The following KCNH8 variants were observed in gnomAD, a reference collection of about 807,000 sequenced individuals.
KCNH8 encodes the protein voltage-gated delayed rectifier potassium channel KCNH8.
KCNH8 carries 70 observed loss-of-function variants against 103.6 expected under a neutral mutation model. That is an observed-to-expected ratio of 0.68 (90% CI 0.56 to 0.82). KCNH8 has a LOEUF of 0.82. Among genes scored for constraint, KCNH8 ranks in the 40% least tolerant of loss-of-function variants. The pLI, the probability that KCNH8 is intolerant of heterozygous loss-of-function variation, is 0.00. For missense variants in KCNH8, 1,217 were observed against 1,329.9 expected, an observed-to-expected ratio of 0.92 and a Z score of 1.32; for synonymous variants, 498 against 489.4, an observed-to-expected ratio of 1.02 and a Z score of -0.23.
chr3:19,397,882 A>G (rs2066547336), intron 7 of KCNH8, among the ~76,000 whole-genome samples: 1 of 151,916 alleles, frequency 6.6e-6, no homozygotes, highest in Non-Finnish European at 1.5e-5. Context: ...AGATTTGAAC[A>G]CAGATTAAAT....
intron 1 of KCNH8, among the ~76,000 whole-genome samples, chr3:19,211,068 C>T (rs930732958): frequency 3.3e-5 from 5 of 152,128 alleles, no homozygotes; most frequent in African/African-American, 1.2e-4. Flanking sequence ...CCATTGACCA[C>T]ATATTTTCAT....
At chr3:19,178,872 C>T (rs2063424861) in intron 1 of KCNH8, among the ~76,000 whole-genome samples, 1 of 152,102 alleles carries the variant, frequency 6.6e-6, no homozygotes, top group Admixed American at 6.6e-5. Context: ...GCATTCTGTC[C>T]TCACTTAGGC....
chr3:19,360,536 G>C (rs1246570890), intron 5 of KCNH8, among the ~76,000 whole-genome samples: 1 of 152,048 alleles, frequency 6.6e-6, no homozygotes. Context: ...GTGGCCAACA[G>C]AGCCTAAAAT....
intron 3 of KCNH8, among the ~76,000 whole-genome samples, chr3:19,316,839 C>T (rs1002669503): frequency 6.6e-6 from 1 of 151,938 alleles, no homozygotes; most frequent in Non-Finnish European, 1.5e-5. Flanking sequence ...CCTACTTTTC[C>T]TTAAGGTCAA....
chr3:19,166,211 T>C (rs1559404681), intron 1 of KCNH8, among the ~76,000 whole-genome samples: 1 of 152,242 alleles, frequency 6.6e-6, no homozygotes, highest in Non-Finnish European at 1.5e-5. Flanking sequence ...TAGACATCTT[T>C]TTTTGTAAAA....
chr3:19,293,171 C>A (rs1419988076), intron 3 of KCNH8, among the ~76,000 whole-genome samples: 8 of 152,060 alleles, frequency 5.3e-5, no homozygotes, highest in Non-Finnish European at 4.4e-5. Context: ...AGTGAACTGC[C>A]CAATGCCTCG....
intron 1 of KCNH8, among the ~76,000 whole-genome samples, chr3:19,208,359 T>C (rs1048488568): frequency 1.3e-5 from 2 of 152,064 alleles, no homozygotes; most frequent in Non-Finnish European, 2.9e-5. Flanking sequence ...CTTCAATATA[T>C]GATAAAATAT....
chr3:19,171,574 ATAAGTTAGCC>A (rs1231554994), intron 1 of KCNH8, among the ~76,000 whole-genome samples: 3 of 152,200 alleles, frequency 2.0e-5, no homozygotes, highest in African/African-American at 7.2e-5. Context: ...GACTCTATAA[ATAAGTTAGCC>A]TATCAAGACC....
chr3:19,310,558 T>C (rs1343241864), intron 3 of KCNH8, among the ~76,000 whole-genome samples: 1 of 151,840 alleles, frequency 6.6e-6, no homozygotes, highest in African/African-American at 2.4e-5. Context: ...GAGGAAAGAC[T>C]GTGAGAAAGA....
In KCNH8 at chr3:19,281,257, G is replaced by A. The variant is rs1390233375; in HGVS notation, c.370G>A (p.Val124Ile). The A allele has an allele frequency of 6.2e-7, 1 of 1,610,406 alleles. No homozygotes were observed. The highest frequency in any genetic ancestry group is 8.5e-7 in the Non-Finnish European group (1 of 1,177,294). ...VPIKNEKGDV[V>I]LFLASFKDIT... ...CATAAAGAATGAAAAAGGAGATGTA[G>A]TACTTTTTCTGGCCTCGTTCAAAGA... Residue 124 changes from valine (V) to isoleucine (I), a missense_variant, in exon 3 of 16, where the codon GTA becomes ATA. Around this residue, in one of 3 missense-constraint regions of KCNH8, gnomAD observed 244 missense variants for 256.8 expected, o/e 0.95. Transcript: ENST00000328405.
At chr3:19,246,302 G>T (rs1156571239) in intron 1 of KCNH8, among the ~76,000 whole-genome samples, 2 of 123,572 alleles carry the variant, frequency 1.6e-5, no homozygotes, top group Admixed American at 1.8e-4. Flanking sequence ...TTTTTTGATG[G>T]AGTCTCGCTC....
chr3:19,419,639 C>A (rs2066921450), intron 7 of KCNH8, among the ~76,000 whole-genome samples: 1 of 151,726 alleles, frequency 6.6e-6, no homozygotes, highest in Non-Finnish European at 1.5e-5. Context: ...AAGATAGAAA[C>A]AAAACCCAAT....
At chr3:19,443,427 T>G (rs1178584671) in intron 8 of KCNH8, among the ~76,000 whole-genome samples, 1 of 150,554 alleles carries the variant, frequency 6.6e-6, no homozygotes, top group East Asian at 1.9e-4. Flanking sequence ...TATACACATA[T>G]GTGTGTGTAT....
In KCNH8 at chr3:19,450,298, C is replaced by T. The variant is rs754437115; in HGVS notation, c.1568C>T (p.Ser523Leu). Residue 523 changes from serine to leucine, a missense_variant, in exon 9 of 16, where the codon TCA (serine) becomes TTA (leucine). This residue lies in a region of KCNH8 where 415 missense variants were observed against 577.4 expected (regional missense o/e 0.72). Coordinates refer to ENST00000328405, the MANE Select transcript of KCNH8 (RefSeq NM_144633.3). ...TGGTCAGTCAACAATGGAATAGATT[C>T]AAATGAGGTAATGTTCATTTCTCAT... ...TTWSVNNGID[S>L]NELLKDFPDE... 1.9e-6 allele frequency: 3 copies of T among 1,610,020 alleles called. No individual in the cohort carries two copies. The highest frequency in any genetic ancestry group is 2.6e-6 in the Non-Finnish European group (3 of 1,176,418).
chr3:19,237,806 C>T (rs924903717), intron 1 of KCNH8, among the ~76,000 whole-genome samples: 3 of 152,092 alleles, frequency 2.0e-5, no homozygotes, highest in African/African-American at 7.2e-5. Context: ...TGTGCACAAA[C>T]GTGTGTATGT....
At chr3:19,493,573 G>A (rs1418013114) in intron 11 of KCNH8, among the ~76,000 whole-genome samples, 3 of 152,088 alleles carry the variant, frequency 2.0e-5, no homozygotes, top group Non-Finnish European at 4.4e-5. Context: ...AGAACTGTGA[G>A]TCAATTATAC....
intron 5 of KCNH8, among the ~76,000 whole-genome samples, chr3:19,371,344 A>G (rs1311436002): frequency 1.3e-5 from 2 of 152,028 alleles, no homozygotes; most frequent in Non-Finnish European, 2.9e-5. Context: ...TTTGACTTGC[A>G]TTTCTCTGAT....
Position 19,450,309 on chromosome 3 carries a change from A to T in KCNH8, c.1575+4A>T. On this transcript the variant is annotated splice_donor_region_variant and intron_variant, in intron 9 of 15. Coordinates refer to ENST00000328405, the MANE Select transcript of KCNH8 (RefSeq NM_144633.3). ...CAATGGAATAGATTCAAATGAGGTA[A>T]TGTTCATTTCTCATGTTGTTTTCAG... The T allele has an allele frequency of 6.2e-7, 1 of 1,601,880 alleles. No individual in the cohort carries two copies. The highest frequency in any genetic ancestry group is 1.3e-5 in the African/African-American group (1 of 74,778).
chr3:19,312,371 A>G (rs905094923), intron 3 of KCNH8, among the ~76,000 whole-genome samples: 23 of 152,028 alleles, frequency 1.5e-4, no homozygotes, highest in African/African-American at 5.5e-4. Context: ...GAAATAGTAT[A>G]CTATAGTGAA....
Sources: allele counts gnomAD v4.1 joint callset (sites outside exome capture counted in the v4.1 genomes callset), GRCh38; gene constraint gnomAD v4.1.1; regional missense constraint gnomAD v4.1.1; transcripts MANE v1.5; gene names NCBI Gene and HGNC (gene_info 2026-07-23, HGNC 2026-07-21).